Variants in PCDHGB3 observed in about 807,000 individuals in gnomAD.
PCDHGB3 encodes protocadherin gamma-B3.
Under a neutral mutation model 59.2 loss-of-function variants are expected in PCDHGB3, and 40 were observed. The observed-to-expected ratio is 0.68, with a 90% CI of 0.52 to 0.88. PCDHGB3 has a LOEUF of 0.88. Ranked by LOEUF, PCDHGB3 falls within the 40% of genes least tolerant of loss-of-function variation. The pLI is 0.00. For missense variants in PCDHGB3, 1,309 were observed against 1,187.9 expected (o/e 1.10, Z -1.50); for synonymous variants, 581 against 503.6 (o/e 1.15, Z -2.06).
At chr5:141,478,395 T>C in intron 1 of PCDHGB3, 1 of 1,613,510 alleles carries the variant, frequency 6.2e-7, no homozygotes, top group Non-Finnish European at 8.5e-7. Flanking sequence ...TACCATCAGG[T>C]GTATCTCACC....
chr5:141,394,447 A>T, intron 1 of PCDHGB3: 1 of 1,614,248 alleles, frequency 6.2e-7, no homozygotes, highest in Non-Finnish European at 8.5e-7. Flanking sequence ...CTCAGCAGCA[A>T]CATGTCACTG....
chr5:141,501,314 C>G, intron 2 of PCDHGB3, among the ~76,000 whole-genome samples: 1 of 151,728 alleles, frequency 6.6e-6, no homozygotes, highest in Non-Finnish European at 1.5e-5. Flanking sequence ...CACACACACA[C>G]ACACACACAC....
Position 141,505,556 on chromosome 5 carries a change from C to T in PCDHGB3, c.2563+75C>T, listed in dbSNP as rs2233611. ...GGGTGCATCTCACAGCCACCATGCC[C>T]ACGGACTGGATGTCAAACCTGTGTA... On this transcript the variant is annotated intron_variant, in intron 3 of 3. Transcript: ENST00000576222. 1,282 of 1,606,040 alleles carry T rather than the reference C, an allele frequency of 8.0e-4. 6 individuals are homozygous for T. In the African/African-American group the frequency reaches 0.013, roughly 16 times the overall value.
chr5:141,438,072 A>C (rs761630845), intron 1 of PCDHGB3, among the ~76,000 whole-genome samples: 1 of 152,158 alleles, frequency 6.6e-6, no homozygotes, highest in Non-Finnish European at 1.5e-5. Flanking sequence ...AACCATACTT[A>C]ATGGAAAATT....
At chr5:141,462,893 G>A (rs577241413) in intron 1 of PCDHGB3, among the ~76,000 whole-genome samples, 68 of 152,170 alleles carry the variant, frequency 4.5e-4, no homozygotes, top group African/African-American at 1.4e-3. Context: ...AGTTTGTTTT[G>A]GAAGGCTATT....
chr5:141,483,573 G>A (rs2099583012), intron 1 of PCDHGB3, among the ~76,000 whole-genome samples: 1 of 152,072 alleles, frequency 6.6e-6, no homozygotes, highest in Non-Finnish European at 1.5e-5. Context: ...GTGAATTCTG[G>A]CATAAACACC....
At chr5:141,420,210 A>T (rs1415966611) in intron 1 of PCDHGB3, 1 of 1,612,612 alleles carries the variant, frequency 6.2e-7, no homozygotes, top group East Asian at 2.2e-5. Flanking sequence ...CTCAACAAAG[A>T]TAGCATGCTA....
At chr5:141,414,497 A>C (rs757597548) in intron 1 of PCDHGB3, 4 of 1,613,922 alleles carry the variant, frequency 2.5e-6, no homozygotes, top group Non-Finnish European at 3.4e-6. Context: ...ACGGAAGCTC[A>C]CTTTATGCTA....
chr5:141,505,443 C>A lies in PCDHGB3; in HGVS notation c.2525C>A (p.Thr842Lys). ...TGTWPNNQFD[T>K]EMLQAMILAS... ...ACCTGGCCCAACAACCAGTTTGACA[C>A]AGAGATGCTGCAAGCCATGATCTTG... Residue 842 changes from threonine to lysine, a missense_variant, in exon 3 of 4, where the codon ACA becomes AAA. Physicochemically the swap from Thr to Lys is moderately conservative, Grantham distance 78. Transcript: ENST00000576222. 2 of 1,614,224 alleles carry A rather than the reference C, an allele frequency of 1.2e-6. No homozygotes were observed. Among genetic ancestry groups the A allele is most frequent in the Non-Finnish European group, 8.5e-7 (1 of 1,180,042 alleles).
At chr5:141,404,620 T>C in intron 1 of PCDHGB3, 2 of 1,614,162 alleles carry the variant, frequency 1.2e-6, no homozygotes, top group Non-Finnish European at 1.7e-6. Context: ...TGGACCAGAA[T>C]GACAATGCCC....
chr5:141,421,953 G>A lies in PCDHGB3; in HGVS notation c.2415+49144G>A, dbSNP rs193141134. On this transcript the variant is annotated intron_variant, in intron 1 of 3. Coordinates refer to ENST00000576222, the MANE Select transcript of PCDHGB3 (RefSeq NM_018924.5). ...TCGATGTAAATGATCACATCCCAATGTTTACACAGTCCGTATATCGCGTGA... is the reference window on the plus strand; with the variant it reads ...TCGATGTAAATGATCACATCCCAATATTTACACAGTCCGTATATCGCGTGA... 1.8e-4 allele frequency: 295 copies of A among 1,612,962 alleles called. 5 individuals are homozygous for A. In the East Asian group the frequency reaches 4.0e-3, roughly 22 times the overall value.
In PCDHGB3 at chr5:141,409,417, G is replaced by A. The variant is rs774453166; in HGVS notation, c.2415+36608G>A. ...CTTCCAATAACTACTACAAACTGGT[G>A]ACAGATGGAGCCCTGGACCGAGAGC... On this transcript the variant is annotated intron_variant, in intron 1 of 3. Transcript: ENST00000576222. The A allele has an allele frequency of 5.6e-6, 9 of 1,613,880 alleles. No individual in the cohort carries two copies. The South Asian group carries it at 8.8e-5, about 16-fold the overall frequency.
intron 1 of PCDHGB3, among the ~76,000 whole-genome samples, chr5:141,467,359 A>G (rs997614051): frequency 1.3e-5 from 2 of 151,714 alleles, no homozygotes; most frequent in African/African-American, 4.8e-5. Context: ...GGCCAAATCA[A>G]CGTTTTCTTA....
Position 141,491,995 on chromosome 5 carries a change from G to C in PCDHGB3, c.2416-2812G>C, listed in dbSNP as rs76332593. On this transcript the variant is annotated intron_variant, in intron 1 of 3. Transcript: ENST00000576222. The surrounding 1 kb of genome is among the most constrained non-coding windows in gnomAD (Gnocchi z 6.9). ...CTCCTTCGAGCTTCCGGTGAATTTC[G>C]GGCGATTTCCGCGGGTGTCGGGGGT... is the stretch of plus-strand genomic sequence containing the variant. 0.033 allele frequency: 22,941 copies of C among 696,644 alleles called. 426 individuals carry two copies. The highest frequency in any genetic ancestry group is 0.093 in the Middle Eastern group (249 of 2,666). The allele number at this position is 696,644 out of a possible 1,614,324, so 43.2% of individuals were successfully genotyped here. A position where few individuals can be genotyped will look rare whatever the true frequency, so the allele number is the denominator to read the frequency against.
intron 1 of PCDHGB3, among the ~76,000 whole-genome samples, chr5:141,447,413 C>T (rs1279399546): frequency 6.6e-6 from 1 of 152,204 alleles, no homozygotes; most frequent in Non-Finnish European, 1.5e-5. Flanking sequence ...GCTGGGATTA[C>T]AGGCGTGAGC....
rs539072548 is a variant in PCDHGB3 at position 141,421,546 on chromosome 5, A to G, written c.2415+48737A>G. 4.3e-6 allele frequency: 7 copies of G among 1,613,896 alleles called. No homozygotes were observed. The South Asian group carries it at 4.4e-5, about 10-fold the overall frequency. ...GACGGTGTCCTCCTGTTTTTTAAAT[A>G]TGGAACTTCTCGTGGAAGACACCTT... On this transcript the variant is annotated intron_variant, in intron 1 of 3. Transcript: ENST00000576222.
Position 141,371,037 on chromosome 5 carries a change from G to A in PCDHGB3, c.643G>A (p.Val215Met), listed in dbSNP as rs373150812. 63 of 1,613,876 alleles carry A rather than the reference G, an allele frequency of 3.9e-5. No homozygotes were observed. The African/African-American group carries it at 7.9e-4, about 20-fold the overall frequency. ...ACATCACCACCTGGTCCTCACAGCT[G>A]TGGATGGGGGCGAGCCCTCCAGAAG... The part of the protein sequence containing the change: ...QPHHHLVLTA[V>M]DGGEPSRSCT... Residue 215 changes from valine to methionine, a missense_variant, in exon 1 of 4, where the codon GTG (valine) becomes ATG (methionine). Val to Met is a conservative substitution (Grantham distance 21, BLOSUM62 1). Transcript: ENST00000576222.
At chr5:141,393,367 G>A (rs1302436646) in intron 1 of PCDHGB3, 2 of 1,613,962 alleles carry the variant, frequency 1.2e-6, no homozygotes, top group East Asian at 2.2e-5. Flanking sequence ...GTGCAGACTG[G>A]AGACAATGGA....
At position 141,413,851 on chromosome 5, in the gene PCDHGB3, C is replaced by T. The variant is rs766108205; in HGVS notation, c.2415+41042C>T. The T allele has an allele frequency of 1.5e-5, 25 of 1,613,340 alleles. No homozygotes were observed. In the East Asian group the frequency reaches 2.7e-4, roughly 17 times the overall value. ...CGCCTCCGACGGGGGTGACCCTCTC[C>T]GATCTGGCACTGTCCTTGTCAGTGT... On this transcript the variant is annotated intron_variant, in intron 1 of 3. Coordinates refer to ENST00000576222, the MANE Select transcript of PCDHGB3 (RefSeq NM_018924.5).
Sources: allele counts gnomAD v4.1 joint callset (sites outside exome capture counted in the v4.1 genomes callset), GRCh38; gene constraint gnomAD v4.1.1; non-coding constraint Gnocchi (gnomAD v3.1); transcripts MANE v1.5; gene names NCBI Gene and HGNC (gene_info 2026-07-23, HGNC 2026-07-21).